Variants in LUZP2 observed in about 807,000 individuals in gnomAD.
LUZP2 encodes leucine zipper protein 2.
In LUZP2, 52 loss-of-function variants were observed where a neutral mutation model predicts 51.6. The observed-to-expected ratio is 1.01, with a 90% CI of 0.81 to 1.27. The LOEUF is 1.27. LUZP2 is among the 50% of genes most tolerant of loss of function. LUZP2 has a pLI of 0.00. For synonymous variants in LUZP2, 154 were observed against 137.3 expected (o/e 1.12, Z -0.85); for missense variants, 436 against 395.4 (o/e 1.10, Z -0.87).
intron 1 of LUZP2, among the ~76,000 whole-genome samples, chr11:24,614,518 A>T (rs1001415206): frequency 1.3e-5 from 2 of 152,040 alleles, no homozygotes; most frequent in African/African-American, 4.8e-5. Context: ...TCTGGAAAAT[A>T]GGGCTCTGCA....
At chr11:24,920,439 G>T (rs944397048) in intron 7 of LUZP2, among the ~76,000 whole-genome samples, 1 of 151,780 alleles carries the variant, frequency 6.6e-6, no homozygotes, top group Non-Finnish European at 1.5e-5. Flanking sequence ...TCTCACTGTT[G>T]GGTATCTACT....
rs139887784 is a variant in LUZP2, at chr11:25,012,076, G to A, written c.765+28783G>A. Among the ~76,000 whole-genome samples the A allele has an allele frequency of 4.3e-3, 658 of 152,034 alleles. 4 individuals are homozygous for A. Among genetic ancestry groups the A allele is most frequent in the African/African-American group, 0.015 (613 of 41,500 alleles). On this transcript the variant is annotated intron_variant, in intron 9 of 11. Coordinates refer to ENST00000336930, the MANE Select transcript of LUZP2 (RefSeq NM_001009909.4). ...GAAAACACATACACTTATTTTTGTT[G>A]GTTAGCAATGTGTTTCCTATTATTA...
At chr11:24,903,552 T>C (rs1853343021) in intron 5 of LUZP2, among the ~76,000 whole-genome samples, 1 of 152,192 alleles carries the variant, frequency 6.6e-6, no homozygotes, top group Non-Finnish European at 1.5e-5. Flanking sequence ...CATTAAATGT[T>C]CATTTTGCTC....
At chr11:25,045,142 G>T (rs1334498226) in intron 9 of LUZP2, among the ~76,000 whole-genome samples, 3 of 151,416 alleles carry the variant, frequency 2.0e-5, no homozygotes, top group East Asian at 1.9e-4. Context: ...CACCAACATG[G>T]CACATGTATA....
intron 1 of LUZP2, among the ~76,000 whole-genome samples, chr11:24,585,602 TAAAAA>T (rs535769158): frequency 6.6e-6 from 1 of 152,056 alleles, no homozygotes; most frequent in Non-Finnish European, 1.5e-5. Flanking sequence ...TTTAGAATGT[TAAAAA>T]AACAAACCAA....
intron 5 of LUZP2, among the ~76,000 whole-genome samples, chr11:24,838,580 G>A (rs755978121): frequency 6.6e-6 from 1 of 151,500 alleles, no homozygotes; most frequent in Non-Finnish European, 1.5e-5. Flanking sequence ...TTGCCCTTAG[G>A]GAACAAGCTA....
chr11:24,997,115 G>C lies in LUZP2; in HGVS notation c.765+13822G>C, dbSNP rs982054899. Among the ~76,000 whole-genome samples, 6 of 149,984 alleles carry C rather than the reference G, an allele frequency of 4.0e-5. No homozygotes were observed. The Admixed American group carries it at 4.0e-4, about 10-fold the overall frequency. ...TGTCTTTATAGCAGCATGATTTATA[G>C]TCCTTTGGGTATATACCCAGTAATG... On this transcript the variant is annotated intron_variant, in intron 9 of 11. Transcript: ENST00000336930.
intron 1 of LUZP2, among the ~76,000 whole-genome samples, chr11:24,530,097 T>A (rs2133822035): frequency 6.6e-6 from 1 of 151,010 alleles, no homozygotes; most frequent in African/African-American, 2.4e-5. Flanking sequence ...TCCTTTCCAT[T>A]TTCTGGTTGC....
At chr11:25,037,897 C>G (rs897561060) in intron 9 of LUZP2, among the ~76,000 whole-genome samples, 1 of 151,806 alleles carries the variant, frequency 6.6e-6, no homozygotes, top group African/African-American at 2.4e-5. Flanking sequence ...AAGATTTTTT[C>G]TTTTGCCTCC....
At chr11:24,831,052 G>A (rs1260339095) in intron 5 of LUZP2, among the ~76,000 whole-genome samples, 1 of 152,078 alleles carries the variant, frequency 6.6e-6, no homozygotes, top group Non-Finnish European at 1.5e-5. Flanking sequence ...AAGGCTAAGA[G>A]TCAAACTCAA....
At chr11:24,505,451 C>T (rs1287903819) in intron 1 of LUZP2, among the ~76,000 whole-genome samples, 1 of 152,130 alleles carries the variant, frequency 6.6e-6, no homozygotes, top group Admixed American at 6.6e-5. Flanking sequence ...GTGCCTCTCT[C>T]ATAGATATGT....
intron 9 of LUZP2, among the ~76,000 whole-genome samples, chr11:25,030,905 A>ATATTTTTTTTTTTTTTTTTTTTTTTTG (rs774386318): frequency 1.6e-5 from 1 of 64,334 alleles, no homozygotes; most frequent in African/African-American, 9.5e-5. Context: ...ATATATATAT[A>ATATTTTTTTTTTTTTTTTTTTTTTTTG]ATATATATTG....
At chr11:24,982,708 C>T (rs1856072893) in intron 8 of LUZP2, among the ~76,000 whole-genome samples, 1 of 151,702 alleles carries the variant, frequency 6.6e-6, no homozygotes, top group South Asian at 2.1e-4. Flanking sequence ...ACAACAAACC[C>T]TCATGACACA....
At position 24,928,170 on chromosome 11, in the gene LUZP2, A is replaced by G. The variant is rs12576177; in HGVS notation, c.522+13632A>G. Among the ~76,000 whole-genome samples the G allele has an allele frequency of 6.3e-3, 965 of 152,070 alleles. 18 individuals are homozygous for G. The highest frequency in any genetic ancestry group is 0.061 in the East Asian group (312 of 5,154). Reference sequence around the variant, plus strand: ...TCCTTAGGGTTTTTTATAAAATCATACCATCAGCAAACAGCAGCAGTTTGA... The same window carrying G: ...TCCTTAGGGTTTTTTATAAAATCATGCCATCAGCAAACAGCAGCAGTTTGA... On this transcript the variant is annotated intron_variant, in intron 7 of 11. Transcript: ENST00000336930.
chr11:24,699,848 A>C (rs570924392), intron 1 of LUZP2, among the ~76,000 whole-genome samples: 94 of 150,858 alleles, frequency 6.2e-4, no homozygotes, highest in African/African-American at 2.2e-3. Context: ...TAAGAGACAA[A>C]GCATAGTTGA....
intron 7 of LUZP2, among the ~76,000 whole-genome samples, chr11:24,946,185 G>A (rs1854894422): frequency 6.6e-6 from 1 of 151,998 alleles, no homozygotes; most frequent in African/African-American, 2.4e-5. Flanking sequence ...TTGGGTGGAT[G>A]TACACATCTT....
intron 3 of LUZP2, among the ~76,000 whole-genome samples, chr11:24,736,288 T>C (rs959392946): frequency 1.3e-5 from 2 of 152,018 alleles, no homozygotes; most frequent in African/African-American, 4.8e-5. Context: ...ACTTTATTAT[T>C]TAATTTTTAA....
intron 10 of LUZP2, among the ~76,000 whole-genome samples, chr11:25,074,650 G>A (rs994013438): frequency 4.6e-5 from 7 of 152,038 alleles, no homozygotes; most frequent in Admixed American, 2.0e-4. Context: ...CAAGAAATAC[G>A]TACATTATAT....
Position 24,611,839 on chromosome 11 carries a change from G to A in LUZP2, c.62+114534G>A, listed in dbSNP as rs967133149. On this transcript the variant is annotated intron_variant, in intron 1 of 11. Transcript: ENST00000336930. This position sits in a 1 kb window ranked among gnomAD's most constrained non-coding sequence, Gnocchi z 4.6. Reference sequence around the variant, plus strand: ...TAATTTATATAAACTGACTCTCACAGGAGCATGACATATCTAGGAACTGGT... The same window carrying A: ...TAATTTATATAAACTGACTCTCACAAGAGCATGACATATCTAGGAACTGGT... Among the ~76,000 whole-genome samples, 4 of 152,122 alleles carry A rather than the reference G, an allele frequency of 2.6e-5. No homozygotes were observed. Among genetic ancestry groups the A allele is most frequent in the Admixed American group, 6.5e-5 (1 of 15,268 alleles).
Sources: allele counts gnomAD v4.1 joint callset (sites outside exome capture counted in the v4.1 genomes callset), GRCh38; gene constraint gnomAD v4.1.1; non-coding constraint Gnocchi (gnomAD v3.1); transcripts MANE v1.5; gene names NCBI Gene and HGNC (gene_info 2026-07-23, HGNC 2026-07-21).